Variants in PIGU observed in about 807,000 individuals in gnomAD.
The protein encoded by PIGU is phosphatidylinositol glycan anchor biosynthesis class U, also known as GPI-anchor transamidase component PIGU.
In PIGU, 24 loss-of-function variants were observed where a neutral mutation model predicts 49.9. The ratio of observed to expected loss-of-function variants is 0.48; its 90% CI spans 0.35 to 0.68. The LOEUF is 0.68. Ranked by LOEUF, PIGU falls within the 30% of genes least tolerant of loss-of-function variation. The pLI is 0.01. For missense variants in PIGU, 490 were observed against 532.6 expected (o/e 0.92, Z 0.79); for synonymous variants, 220 against 205.7 (o/e 1.07, Z -0.59).
chr20:34,634,320 C>T (rs148180598), intron 6 of PIGU, among the ~76,000 whole-genome samples: 2 of 152,220 alleles, frequency 1.3e-5, no homozygotes, highest in Admixed American at 1.3e-4. Flanking sequence ...GATCTTCCTG[C>T]CTCAGCTTCC....
chr20:34,620,727 C>T (rs1022663025), intron 6 of PIGU, among the ~76,000 whole-genome samples: 3 of 149,254 alleles, frequency 2.0e-5, no homozygotes, highest in African/African-American at 7.4e-5. Flanking sequence ...AGGAGAATGG[C>T]GTGAACCCGG....
intron 11 of PIGU, among the ~76,000 whole-genome samples, chr20:34,562,024 G>A (rs1982538540): frequency 6.6e-6 from 1 of 152,214 alleles, no homozygotes; most frequent in Non-Finnish European, 1.5e-5. Context: ...TCTGTGCCCA[G>A]CTCAGTCTGT....
At chr20:34,665,561 C>T (rs1464205138) in intron 1 of PIGU, among the ~76,000 whole-genome samples, 1 of 151,276 alleles carries the variant, frequency 6.6e-6, no homozygotes, top group East Asian at 1.9e-4. Context: ...AGGCTGATCT[C>T]ACACTCCTGA....
intron 2 of PIGU, among the ~76,000 whole-genome samples, chr20:34,649,198 A>G (rs965987510): frequency 2.6e-5 from 4 of 151,884 alleles, no homozygotes; most frequent in East Asian, 1.9e-4. Flanking sequence ...TCAAAATTAC[A>G]TATGTTTTTC....
At chr20:34,669,133 C>T (rs768248345) in intron 1 of PIGU, among the ~76,000 whole-genome samples, 8 of 151,912 alleles carry the variant, frequency 5.3e-5, no homozygotes, top group Admixed American at 1.3e-4. Flanking sequence ...GGCATCCCCT[C>T]GCCTCAGCCT....
intron 5 of PIGU, among the ~76,000 whole-genome samples, chr20:34,635,244 G>A (rs1244177603): frequency 1.3e-5 from 2 of 152,208 alleles, no homozygotes; most frequent in African/African-American, 4.8e-5. Context: ...TCCTCAGTCA[G>A]GCTCCTAAGC....
rs543638570 is a variant in PIGU at position 34,625,083 on chromosome 20, C to A, written c.530-8944G>T. Among the ~76,000 whole-genome samples, 191 of 151,746 alleles carry A rather than the reference C, an allele frequency of 1.3e-3. 3 individuals carry two copies. The highest frequency in any genetic ancestry group is 9.1e-4 in the Non-Finnish European group (62 of 67,888). On this transcript the variant is annotated intron_variant, in intron 6 of 11. Coordinates refer to ENST00000217446, the MANE Select transcript of PIGU (RefSeq NM_080476.5). The stretch of plus-strand genomic sequence containing the variant: ...CACTGAAGAAACTTTGGAAAAAAAA[C>A]ATATGAGGCCGGGCGTGGTGGCTCA...
rs139633624 is a variant in PIGU at position 34,653,043 on chromosome 20, G to A, written c.195+4137C>T. Among the ~76,000 whole-genome samples, 1,041 of 149,338 alleles carry A rather than the reference G, an allele frequency of 7.0e-3. 15 individuals are homozygous for A. Among genetic ancestry groups the A allele is most frequent in the African/African-American group, 0.025 (1,004 of 40,480 alleles). ...GTTGGAGTGCAGTGGCACTATCTCCGCTCACTGCAAGCTCCGCCTCCCAGG... is the reference window on the plus strand; with the variant it reads ...GTTGGAGTGCAGTGGCACTATCTCCACTCACTGCAAGCTCCGCCTCCCAGG... On this transcript the variant is annotated intron_variant, in intron 2 of 11. Transcript: ENST00000217446.
At chr20:34,615,762 T>C (rs892766458) in intron 7 of PIGU, among the ~76,000 whole-genome samples, 2 of 152,112 alleles carry the variant, frequency 1.3e-5, no homozygotes, top group African/African-American at 4.8e-5. Flanking sequence ...AGAAAAAACA[T>C]AGTATACGTA....
chr20:34,647,740 A>G (rs1986404328), intron 2 of PIGU, among the ~76,000 whole-genome samples: 1 of 152,160 alleles, frequency 6.6e-6, no homozygotes, highest in Non-Finnish European at 1.5e-5. Flanking sequence ...TATGACTGCA[A>G]TCATTTAAAA....
intron 11 of PIGU, among the ~76,000 whole-genome samples, chr20:34,571,220 C>G (rs1983000518): frequency 6.6e-6 from 1 of 152,204 alleles, no homozygotes; most frequent in Non-Finnish European, 1.5e-5. Flanking sequence ...GTTGTCATTT[C>G]CTGTTACTGA....
chr20:34,595,095 C>CAAAAAAAAAAA (rs71194627), intron 7 of PIGU, among the ~76,000 whole-genome samples: 9 of 71,334 alleles, frequency 1.3e-4, no homozygotes, highest in Non-Finnish European at 2.0e-4. Flanking sequence ...GACTCCGTCT[C>CAAAAAAAAAAA]AAAAAAAAAA....
chr20:34,663,048 C>T (rs1210853997), intron 1 of PIGU, among the ~76,000 whole-genome samples: 2 of 152,100 alleles, frequency 1.3e-5, no homozygotes, highest in African/African-American at 2.4e-5. Flanking sequence ...GCTGAGAACA[C>T]AGGCCAATGC....
chr20:34,637,083 A>G (rs1306041492), intron 5 of PIGU, among the ~76,000 whole-genome samples: 1 of 152,234 alleles, frequency 6.6e-6, no homozygotes, highest in East Asian at 1.9e-4. Context: ...TCTAAATAGC[A>G]GGTGACGTTC....
chr20:34,575,318 C>T (rs971143038), intron 10 of PIGU, 72 bp from the exon 11 acceptor site: 1 of 1,542,320 alleles, frequency 6.5e-7, no homozygotes, highest in East Asian at 2.3e-5. Context: ...CAATGGCCCC[C>T]CTGAATGGAG....
chr20:34,610,068 T>C (rs1474679600), intron 7 of PIGU, among the ~76,000 whole-genome samples: 9 of 152,148 alleles, frequency 5.9e-5, no homozygotes, highest in Non-Finnish European at 1.2e-4. Flanking sequence ...TTAAACCTCT[T>C]TCCTTTGTAA....
chr20:34,566,862 G>A (rs1568618439), intron 11 of PIGU, among the ~76,000 whole-genome samples: 1 of 152,156 alleles, frequency 6.6e-6, no homozygotes, highest in South Asian at 2.1e-4. Context: ...TACACCCTGC[G>A]GAGTCTGCTC....
At chr20:34,633,022 A>C (rs1239530269) in intron 6 of PIGU, among the ~76,000 whole-genome samples, 1 of 152,236 alleles carries the variant, frequency 6.6e-6, no homozygotes, top group Non-Finnish European at 1.5e-5. Context: ...GCAAAAAACC[A>C]AACAAGCAAT....
rs10639203 is a variant in PIGU at position 34,642,652 on chromosome 20, CATATATAT to C, written c.318+1504_318+1511del. Among the ~76,000 whole-genome samples the C allele has an allele frequency of 4.9e-3, 639 of 131,388 alleles. 10 individuals carry two copies. The highest frequency in any genetic ancestry group is 0.015 in the African/African-American group (533 of 35,540). The allele number at this position is 131,388 out of a possible 152,430, so 86.2% of individuals were successfully genotyped here. Reference sequence around the variant, plus strand: ...ATCTATATCACACATATATATATCTCATATATATATATATATATATATATGCACACACA... The same window carrying C: ...ATCTATATCACACATATATATATCTCATATATATATATATATGCACACACA... On this transcript the variant is annotated intron_variant, in intron 4 of 11. Coordinates refer to ENST00000217446, the MANE Select transcript of PIGU (RefSeq NM_080476.5).
Sources: allele counts gnomAD v4.1 joint callset (sites outside exome capture counted in the v4.1 genomes callset), GRCh38; gene constraint gnomAD v4.1.1; transcripts MANE v1.5; gene names NCBI Gene and HGNC (gene_info 2026-07-23, HGNC 2026-07-21).